Variants in LDB2 observed in about 807,000 individuals in gnomAD.
LDB2 encodes the protein LIM domain binding 2, also known as LIM domain-binding protein 2.
A neutral mutation model predicts 44.3 loss-of-function variants in LDB2; 12 were observed. The ratio of observed to expected loss-of-function variants is 0.27; its 90% CI spans 0.17 to 0.44. The LOEUF is 0.44. Among genes scored for constraint, LDB2 ranks in the 20% least tolerant of loss-of-function variants. The pLI is 1.00. For missense variants in LDB2, 344 were observed against 473.5 expected, an observed-to-expected ratio of 0.73 and a Z score of 2.54; for synonymous variants, 164 against 174.8, an observed-to-expected ratio of 0.94 and a Z score of 0.49.
intron 2 of LDB2, among the ~76,000 whole-genome samples, chr4:16,749,863 G>A (rs74453171): frequency 2.3e-4 from 35 of 152,262 alleles, no homozygotes; most frequent in African/African-American, 7.5e-4. Context: ...GTGGTAGAGC[G>A]TTTTCTCTCA....
intron 2 of LDB2, among the ~76,000 whole-genome samples, chr4:16,600,691 A>G (rs781607244): frequency 1.3e-5 from 2 of 152,050 alleles, no homozygotes; most frequent in Non-Finnish European, 2.9e-5. Flanking sequence ...TTGTTGTTCT[A>G]TTTTGTTTAC....
intron 1 of LDB2, among the ~76,000 whole-genome samples, chr4:16,848,079 T>C (rs1463209000): frequency 1.3e-5 from 2 of 152,226 alleles, no homozygotes; most frequent in African/African-American, 4.8e-5. Context: ...TGATGAATGC[T>C]GAAAGGTATT....
rs115410963 is a variant in LDB2, at chr4:16,822,811, C to T, written c.133-63551G>A. Among the ~76,000 whole-genome samples the T allele has an allele frequency of 4.2e-3, 640 of 152,252 alleles. 7 individuals are homozygous for T. Among genetic ancestry groups the T allele is most frequent in the African/African-American group, 0.015 (612 of 41,570 alleles). On this transcript the variant is annotated intron_variant, in intron 1 of 7. Transcript: ENST00000304523. ...GATTACAGGCATGCACCACCGTGCC[C>T]GACCACGTGCTCTTATATTAACAAC...
At position 16,782,180 on chromosome 4, in the gene LDB2, T is replaced by C. The variant is rs1205973123; in HGVS notation, c.133-22920A>G. 2.0e-5 allele frequency among the ~76,000 whole-genome samples: 3 copies of C among 152,164 alleles called. No individual in the cohort carries two copies. The East Asian group carries it at 5.8e-4, about 29-fold the overall frequency. ...AAGCGCTGGCTAAGCCTTCGTACCA[T>C]GACGTGCTCATCTCACATCAGGCCG... On this transcript the variant is annotated intron_variant, in intron 1 of 7. Transcript: ENST00000304523.
intron 2 of LDB2, among the ~76,000 whole-genome samples, chr4:16,652,027 T>A (rs1198050118): frequency 6.6e-6 from 1 of 152,148 alleles, no homozygotes; most frequent in African/African-American, 2.4e-5. Context: ...CATAGTGCAC[T>A]GTAACCTGGA....
At chr4:16,683,186 G>A (rs1338529363) in intron 2 of LDB2, among the ~76,000 whole-genome samples, 1 of 152,058 alleles carries the variant, frequency 6.6e-6, no homozygotes, top group Non-Finnish European at 1.5e-5. Context: ...ACCAACAACT[G>A]TATTTATCTC....
intron 2 of LDB2, among the ~76,000 whole-genome samples, chr4:16,677,128 CTG>C (rs1746550387): frequency 6.6e-6 from 1 of 152,118 alleles, no homozygotes; most frequent in Non-Finnish European, 1.5e-5. Flanking sequence ...GTGTGAATAT[CTG>C]TGAAGTTCTT....
Position 16,502,366 on chromosome 4 carries a change from A to C in LDB2, c.*277T>G. 2.4e-6 allele frequency: 1 copy of C among 423,700 alleles called. No individual in the cohort carries two copies. The highest frequency in any genetic ancestry group is 4.3e-6 in the Non-Finnish European group (1 of 234,720). 26.2% of individuals were successfully genotyped at this position (423,700 alleles called of 1,614,324 possible). ...AACACGTTGTTAAAACCGTGCCAGAAGATGCGCTAGAGTTTTCTCTCATTT... is the reference window on the plus strand; with the variant it reads ...AACACGTTGTTAAAACCGTGCCAGACGATGCGCTAGAGTTTTCTCTCATTT... On this transcript the variant is annotated 3_prime_UTR_variant, in exon 8 of 8. Transcript: ENST00000304523.
chr4:16,885,788 A>C (rs1721497006), intron 1 of LDB2, among the ~76,000 whole-genome samples: 1 of 152,202 alleles, frequency 6.6e-6, no homozygotes, highest in South Asian at 2.1e-4. Context: ...TCCACCCTCA[A>C]GTTGGGGATA....
intron 5 of LDB2, among the ~76,000 whole-genome samples, chr4:16,517,548 G>A (rs1724231502): frequency 6.6e-6 from 1 of 152,172 alleles, no homozygotes; most frequent in Non-Finnish European, 1.5e-5. Context: ...TTGCACTTTT[G>A]TTTGGTCTCT....
At chr4:16,600,813 G>A (rs1342295262) in intron 2 of LDB2, among the ~76,000 whole-genome samples, 1 of 151,970 alleles carries the variant, frequency 6.6e-6, no homozygotes, top group Non-Finnish European at 1.5e-5. Context: ...GTAGATATTA[G>A]GATATCTACA....
chr4:16,569,981 G>T (rs774407646), intron 5 of LDB2, among the ~76,000 whole-genome samples: 7 of 152,134 alleles, frequency 4.6e-5, no homozygotes, highest in Non-Finnish European at 1.0e-4. Context: ...ATGATGTCAA[G>T]GACAGTTAAC....
At chr4:16,718,642 T>C (rs1255637828) in intron 2 of LDB2, among the ~76,000 whole-genome samples, 1 of 152,142 alleles carries the variant, frequency 6.6e-6, no homozygotes, top group Non-Finnish European at 1.5e-5. Flanking sequence ...AGTGTCATGG[T>C]CAACAATTTG....
intron 1 of LDB2, among the ~76,000 whole-genome samples, chr4:16,868,219 A>C (rs1038597782): frequency 6.6e-6 from 1 of 152,144 alleles, no homozygotes; most frequent in African/African-American, 2.4e-5. Flanking sequence ...AGGCTTACCC[A>C]TAGTTTCTGT....
At chr4:16,626,889 G>C (rs192848867) in intron 2 of LDB2, 3 of 152,296 alleles carry the variant, frequency 2.0e-5, no homozygotes, top group Non-Finnish European at 2.9e-5. Context: ...CACCTGGATG[G>C]AAACGCTGCA....
At chr4:16,880,790 GCTA>G (rs1242528896) in intron 1 of LDB2, among the ~76,000 whole-genome samples, 1 of 151,604 alleles carries the variant, frequency 6.6e-6, no homozygotes, top group African/African-American at 2.4e-5. Flanking sequence ...TGTAGTCCCA[GCTA>G]CTTGGGAGGC....
At chr4:16,551,674 C>A (rs142571827) in intron 5 of LDB2, among the ~76,000 whole-genome samples, 1 of 152,044 alleles carries the variant, frequency 6.6e-6, no homozygotes, top group Non-Finnish European at 1.5e-5. Flanking sequence ...CCTGCCACCA[C>A]GCCCAAATAA....
At chr4:16,653,033 T>A (rs528388748) in intron 2 of LDB2, among the ~76,000 whole-genome samples, 3 of 152,274 alleles carry the variant, frequency 2.0e-5, no homozygotes, top group African/African-American at 7.2e-5. Flanking sequence ...CTCAGAGTGT[T>A]TAGGAACGCT....
At chr4:16,729,783 T>C (rs1212761546) in intron 2 of LDB2, among the ~76,000 whole-genome samples, 1 of 152,204 alleles carries the variant, frequency 6.6e-6, no homozygotes, top group Admixed American at 6.5e-5. Flanking sequence ...GAATAGATCG[T>C]CTTTCTAAGG....
Sources: allele counts gnomAD v4.1 joint callset (sites outside exome capture counted in the v4.1 genomes callset), GRCh38; gene constraint gnomAD v4.1.1; transcripts MANE v1.5; gene names NCBI Gene and HGNC (gene_info 2026-07-23, HGNC 2026-07-21).